The following FGL1 variants were observed in gnomAD, a reference collection of about 807,000 sequenced individuals.
FGL1 encodes the protein fibrinogen-like protein 1.
FGL1 carries 59 observed loss-of-function variants against 43.7 expected under a neutral mutation model. The ratio of observed to expected loss-of-function variants is 1.35; its 90% confidence interval spans 1.10 to 1.68. The LOEUF (loss-of-function observed/expected upper bound fraction) is 1.68. FGL1 is among the 40% of genes most tolerant of loss of function. The probability of loss-of-function intolerance (pLI) is 0.00; values close to 1 mark genes in which losing one functional copy is unlikely to be tolerated. For synonymous variants in FGL1, 192 were observed against 126.5 expected (o/e 1.52, Z -3.48); for missense variants, 596 against 373.0 (o/e 1.60, Z -4.92).
intron 5 of FGL1, 105 bp from the exon 6 acceptor site, chr8:17,869,109 C>A: frequency 1.5e-6 from 1 of 645,872 alleles, no homozygotes; most frequent in Non-Finnish European, 2.6e-6. Context: ...TACCATTTCC[C>A]TTGGCCAAGA....
In FGL1 at chr8:17,868,599, T is replaced by G; in HGVS notation, c.728A>C (p.Asn243Thr). 1 of 1,614,024 alleles carries G rather than the reference T, an allele frequency of 6.2e-7. No homozygotes were observed. The highest frequency in any genetic ancestry group is 1.3e-5 in the African/African-American group (1 of 75,054). ...TTCTTCTGCGCAGTTCCCTTCATAG[T>G]TGTCATGATCTCTGTCCCACGTGCT... ...KFSTWDRDHDNYEGNCAEEDQ... is the reference protein window; with the variant it reads ...KFSTWDRDHDTYEGNCAEEDQ... The change falls in exon 7 of 8, where the codon AAC (asparagine) becomes ACC (threonine). Residue 243 changes from asparagine (N) to threonine (T), a missense_variant. Physicochemically the swap from Asn to Thr is moderately conservative, Grantham distance 65. Coordinates refer to ENST00000427924, the MANE Select transcript of FGL1 (RefSeq NM_004467.4).
In FGL1 at chr8:17,874,367, A is replaced by G. The variant is rs34871936; in HGVS notation, c.399T>C (p.Phe133=). The G allele has an allele frequency of 0.013, 20,643 of 1,612,274 alleles. 179 individuals are homozygous for G. The highest frequency in any genetic ancestry group is 0.015 in the Non-Finnish European group (18,231 of 1,179,402). Residue 133 remains phenylalanine (F), a synonymous_variant, in exon 4 of 8, where the codon TTT becomes TTC. Coordinates refer to ENST00000427924, the MANE Select transcript of FGL1 (RefSeq NM_004467.4). ...IQRRSDGSEN[F]NRGWKDYENG... ...TTACATCATAATTAGCACACCTGTT[A>G]AAGTTTTCACTGCCATCAGATCGTC...
chr8:17,871,770 G>A lies in FGL1; in HGVS notation c.502+2249C>T, dbSNP rs374952212. Among the ~76,000 whole-genome samples the A allele has an allele frequency of 3.1e-4, 47 of 152,266 alleles. No homozygotes were observed. In the East Asian group the frequency reaches 4.4e-3, roughly 14 times the overall value. ...TTGTCTGGATTGATGGGATACGTGGGTGGGGGCCCAGGAACTGAAAAACAC... is the reference window on the plus strand; with the variant it reads ...TTGTCTGGATTGATGGGATACGTGGATGGGGGCCCAGGAACTGAAAAACAC... On this transcript the variant is annotated intron_variant, in intron 5 of 7. Transcript: ENST00000427924.
intron 2 of FGL1, among the ~76,000 whole-genome samples, chr8:17,882,821 C>CAATATATAATATATAGT (rs1563457644): frequency 1.0e-4 from 3 of 30,094 alleles, no homozygotes; most frequent in Admixed American, 3.2e-4. Context: ...TATAATATAT[C>CAATATATAATATATAGT]ATATATAATA....
chr8:17,873,688 GATACA>G (rs2053399140), intron 5 of FGL1, among the ~76,000 whole-genome samples: 2 of 100,924 alleles, frequency 2.0e-5, no homozygotes, highest in African/African-American at 7.1e-5. Flanking sequence ...TATATCTATA[GATACA>G]TATAGCGACT....
intron 3 of FGL1, among the ~76,000 whole-genome samples, chr8:17,877,073 G>A (rs999348611): frequency 1.3e-5 from 2 of 152,142 alleles, no homozygotes; most frequent in African/African-American, 4.8e-5. Context: ...TTTGGGAAAT[G>A]AGACTTAAAT....
At chr8:17,891,833 C>G in intron 1 of FGL1, 1 of 974,854 alleles carries the variant, frequency 1.0e-6, no homozygotes, top group Non-Finnish European at 1.2e-6. Context: ...AAAATAACTA[C>G]TCTTAATGAA....
chr8:17,864,696 T>C lies in FGL1; in HGVS notation c.835A>G (p.Thr279Ala). ...GTGTACCAGACAATCCCATTGTCTGTTTTAGCCGTGTAGGGGCCGCTGTAG... is the reference window on the plus strand; with the variant it reads ...GTGTACCAGACAATCCCATTGTCTGCTTTAGCCGTGTAGGGGCCGCTGTAG... ...VYYSGPYTAK[T>A]DNGIVWYTWH... Residue 279 changes from threonine (T) to alanine (A), a missense_variant, in exon 8 of 8, where the codon ACA becomes GCA. Transcript: ENST00000427924. 6.2e-7 allele frequency: 1 copy of C among 1,613,264 alleles called. No individual in the cohort carries two copies. Among genetic ancestry groups the C allele is most frequent in the Non-Finnish European group, 8.5e-7 (1 of 1,179,772 alleles).
At chr8:17,883,447 T>G (rs1230518152) in intron 2 of FGL1, among the ~76,000 whole-genome samples, 2 of 121,870 alleles carry the variant, frequency 1.6e-5, no homozygotes, top group African/African-American at 3.3e-5. Flanking sequence ...TGAATATAAA[T>G]GAATAGATAT....
chr8:17,868,930 C>G lies in FGL1; in HGVS notation c.577G>C (p.Val193Leu). The stretch of plus-strand genomic sequence containing the variant: ...AATTGTAGTACCTTTTCATCTCCAA[C>G]TTTGAAATTCTTATATTGTGCATAA... ...SRYAQYKNFKVGDEKNFYELN... is the reference protein window; with the variant it reads ...SRYAQYKNFKLGDEKNFYELN... Residue 193 changes from valine (V) to leucine (L), a missense_variant, in exon 6 of 8, where the codon GTT becomes CTT. By Grantham distance (32) the Val-to-Leu change is conservative. Transcript: ENST00000427924. The G allele has an allele frequency of 6.3e-7, 1 of 1,597,942 alleles. No homozygotes were observed. The highest frequency in any genetic ancestry group is 8.5e-7 in the Non-Finnish European group (1 of 1,174,468).
chr8:17,882,177 C>CGCCT lies in FGL1; in HGVS notation c.64-2_65dup (p.Leu23GlyfsTer20). 6.2e-7 allele frequency: 1 copy of CGCCT among 1,612,126 alleles called. No individual in the cohort carries two copies. The highest frequency in any genetic ancestry group is 1.8e-4 in the Middle Eastern group (1 of 5,624). Reference sequence around the variant, plus strand: ...TCTGCTCCTGGGCACAGTCCTCGAGCGCCTGCAAAACAGGTGAGATGAGAT... The same window carrying CGCCT: ...TCTGCTCCTGGGCACAGTCCTCGAGCGCCTGCCTGCAAAACAGGTGAGATGAGAT... On this transcript the variant is annotated frameshift_variant and splice_region_variant, in exon 3 of 8. Coordinates refer to ENST00000427924, the MANE Select transcript of FGL1 (RefSeq NM_004467.4). LOFTEE classifies it high-confidence loss of function.
At chr8:17,874,597 G>C in intron 3 of FGL1, 76 bp from the exon 4 acceptor site, 1 of 1,159,846 alleles carries the variant, frequency 8.6e-7, no homozygotes, top group Non-Finnish European at 1.2e-6. Context: ...CTCTGAATGA[G>C]ACTACTCAGT....
At chr8:17,868,870 T>A in intron 6 of FGL1, 46 bp downstream of exon 6, 1 of 1,495,972 alleles carries the variant, frequency 6.7e-7, no homozygotes, top group South Asian at 1.2e-5. Flanking sequence ...ATATTGCACA[T>A]TTTAAGCATT....
At chr8:17,872,151 G>C (rs528410692) in intron 5 of FGL1, among the ~76,000 whole-genome samples, 1 of 151,974 alleles carries the variant, frequency 6.6e-6, no homozygotes, top group African/African-American at 2.4e-5. Context: ...GAAAGTATAA[G>C]GTTTCTAGGA....
intron 3 of FGL1, among the ~76,000 whole-genome samples, chr8:17,879,789 A>G (rs2053507940): frequency 6.6e-6 from 1 of 152,124 alleles, no homozygotes; most frequent in African/African-American, 2.4e-5. Flanking sequence ...AGAACGGACT[A>G]ATACAGCACT....
At chr8:17,877,321 G>A (rs936526416) in intron 3 of FGL1, among the ~76,000 whole-genome samples, 1 of 152,098 alleles carries the variant, frequency 6.6e-6, no homozygotes, top group Non-Finnish European at 1.5e-5. Context: ...GACAAACACT[G>A]TATTAAACTG....
intron 2 of FGL1, 37 bp downstream of exon 2, chr8:17,885,455 A>G (rs1284417602): frequency 2.0e-6 from 3 of 1,494,176 alleles, no homozygotes; most frequent in South Asian, 2.3e-5. Flanking sequence ...AAAAGCAGGC[A>G]TTATAAATAT....
chr8:17,877,382 G>A (rs917586003), intron 3 of FGL1, among the ~76,000 whole-genome samples: 1 of 152,192 alleles, frequency 6.6e-6, no homozygotes. Flanking sequence ...CATGTTGGAA[G>A]GCTGAATGTT....
intron 1 of FGL1, among the ~76,000 whole-genome samples, chr8:17,887,296 C>T (rs2053642409): frequency 1.3e-5 from 2 of 152,168 alleles, no homozygotes; most frequent in African/African-American, 2.4e-5. Context: ...CTTGACTGAT[C>T]GCTCTCCAAA....
Sources: allele counts gnomAD v4.1 joint callset (sites outside exome capture counted in the v4.1 genomes callset), GRCh38; gene constraint gnomAD v4.1.1; transcripts MANE v1.5; gene names NCBI Gene and HGNC (gene_info 2026-07-23, HGNC 2026-07-21).